CEP85L: variants seen among roughly 807,000 people sequenced by gnomAD.
CEP85L encodes centrosomal protein 85L.
Under a neutral mutation model 100.3 loss-of-function variants are expected in CEP85L, and 60 were observed. That is an observed-to-expected ratio of 0.60 (90% CI 0.49 to 0.74). The LOEUF (loss-of-function observed/expected upper bound fraction) is 0.74. Among genes scored for constraint, CEP85L ranks in the 30% least tolerant of loss-of-function variants. The pLI is 0.00. For synonymous variants in CEP85L, 319 were observed against 322.7 expected (o/e 0.99, Z 0.12); for missense variants, 973 against 936.2 (o/e 1.04, Z -0.51).
intron 7 of CEP85L, among the ~76,000 whole-genome samples, chr6:118,483,198 C>T (rs1773916737): frequency 6.6e-6 from 1 of 151,082 alleles, no homozygotes; most frequent in East Asian, 1.9e-4. Flanking sequence ...GTGGCCCTCA[C>T]CTCAGTTAGG....
At chr6:118,542,364 T>A (rs1294380795) in intron 3 of CEP85L, among the ~76,000 whole-genome samples, 1 of 152,030 alleles carries the variant, frequency 6.6e-6, no homozygotes, top group Non-Finnish European at 1.5e-5. Flanking sequence ...CCTAATAGAG[T>A]GCCTGACAAC....
intron 2 of CEP85L, among the ~76,000 whole-genome samples, chr6:118,611,788 C>T (rs578422): frequency 0.97 from 148,107 of 152,264 alleles, 72,059 homozygotes; most frequent in East Asian, 1. Flanking sequence ...AAAGGGCCGA[C>T]AGACCAAGAA....
chr6:118,660,486 C>A (rs1775935125), intron 1 of CEP85L, among the ~76,000 whole-genome samples: 1 of 152,190 alleles, frequency 6.6e-6, no homozygotes, highest in Admixed American at 6.5e-5. Context: ...TTTTATAGAT[C>A]TCTAGTAACC....
At chr6:118,486,183 TG>T (rs1774168261) in intron 6 of CEP85L, among the ~76,000 whole-genome samples, 1 of 152,312 alleles carries the variant, frequency 6.6e-6, no homozygotes, top group South Asian at 2.1e-4. Flanking sequence ...TTTTGTTTTT[TG>T]GTGTTTCATT....
rs562844214 is a variant in CEP85L at position 118,466,884 on chromosome 6, T to C, written c.2255-1316A>G. ...GTTATGAAAACTTAAATTAAGGCAA[T>C]AGTGCAATGGAGATAGAAGGGCAGG... On this transcript the variant is annotated intron_variant, in intron 12 of 12. Coordinates refer to ENST00000368491, the MANE Select transcript of CEP85L (RefSeq NM_001042475.3). 3.9e-5 allele frequency among the ~76,000 whole-genome samples: 6 copies of C among 152,066 alleles called. No individual in the cohort carries two copies. In the South Asian group the frequency reaches 1.2e-3, roughly 32 times the overall value.
At chr6:118,537,696 G>T in intron 3 of CEP85L, 1 of 985,326 alleles carries the variant, frequency 1.0e-6, no homozygotes, top group Middle Eastern at 5.2e-4. Flanking sequence ...TAGTGCAGCT[G>T]AAAATAGTTC....
chr6:118,615,178 G>A (rs1236178477), intron 2 of CEP85L, among the ~76,000 whole-genome samples: 2 of 152,098 alleles, frequency 1.3e-5, no homozygotes, highest in Non-Finnish European at 2.9e-5. Context: ...TCCCCAATCT[G>A]ATAGCTAAAC....
At chr6:118,517,483 A>C (rs111386101) in intron 4 of CEP85L, among the ~76,000 whole-genome samples, 1 of 152,138 alleles carries the variant, frequency 6.6e-6, no homozygotes, top group African/African-American at 2.4e-5. Context: ...CTATTCCTAG[A>C]TATTTTATTC....
intron 1 of CEP85L, among the ~76,000 whole-genome samples, chr6:118,670,378 T>TTCCACCC (rs1230758033): frequency 6.6e-6 from 1 of 152,072 alleles, no homozygotes; most frequent in Non-Finnish European, 1.5e-5. Flanking sequence ...CTCACCCTTC[T>TTCCACCC]TCCACCCTCC....
rs1401755011 is a variant in CEP85L at position 118,634,199 on chromosome 6, GT to G, written c.74-1589del. Among the ~76,000 whole-genome samples, 5 of 152,260 alleles carry G rather than the reference GT, an allele frequency of 3.3e-5. 1 individual carries two copies. In the South Asian group the frequency reaches 1.0e-3, roughly 32 times the overall value. The stretch of plus-strand genomic sequence containing the variant: ...GGCATGCAAGGAATGCCTTCTGGCA[GT>G]TTAAACATAAGGGTAACAAAACAAC... On this transcript the variant is annotated intron_variant, in intron 1 of 12. Coordinates refer to ENST00000368491, the MANE Select transcript of CEP85L (RefSeq NM_001042475.3).
intron 10 of CEP85L, among the ~76,000 whole-genome samples, chr6:118,475,347 ATTTTTTTTTTT>A (rs34878583): frequency 2.5e-5 from 2 of 79,038 alleles, no homozygotes; most frequent in African/African-American, 1.0e-4. Context: ...TGTAGGTGAC[ATTTTTTTTTTT>A]TTTTTTTTTT....
chr6:118,502,870 T>C lies in CEP85L; in HGVS notation c.1257+8428A>G, dbSNP rs73766526. The C allele has an allele frequency of 9.7e-3, 5,571 of 572,946 alleles. 262 individuals carry two copies. The highest frequency in any genetic ancestry group is 0.093 in the African/African-American group (4,982 of 53,490). The allele number at this position is 572,946 out of a possible 1,614,324, so 35.5% of individuals were successfully genotyped here. A position where few individuals can be genotyped will look rare whatever the true frequency, so the allele number is the denominator to read the frequency against. ...CTTCCCCTGTCATGGAAAACAACTTTGTAGATTTAACAGAAGATCTTGAAG... is the reference window on the plus strand; with the variant it reads ...CTTCCCCTGTCATGGAAAACAACTTCGTAGATTTAACAGAAGATCTTGAAG... On this transcript the variant is annotated intron_variant, in intron 5 of 12. Coordinates refer to ENST00000368491, the MANE Select transcript of CEP85L (RefSeq NM_001042475.3).
chr6:118,669,632 A>G (rs184037944), intron 1 of CEP85L, among the ~76,000 whole-genome samples: 8 of 152,126 alleles, frequency 5.3e-5, no homozygotes, highest in East Asian at 1.9e-4. Context: ...TGAAAAACCA[A>G]TTTCTCCAAG....
intron 1 of CEP85L, among the ~76,000 whole-genome samples, chr6:118,658,616 T>C (rs1775873498): frequency 2.0e-5 from 3 of 152,112 alleles, no homozygotes; most frequent in African/African-American, 7.2e-5. Flanking sequence ...TAAAAATAAA[T>C]AAACTTTTAA....
intron 3 of CEP85L, 78 bp from the exon 4 acceptor site, chr6:118,523,998 G>T: frequency 1.8e-6 from 1 of 555,638 alleles, no homozygotes; most frequent in Non-Finnish European, 2.9e-6. Flanking sequence ...TTTTCCCAAA[G>T]ATTTATATTA....
chr6:118,595,657 A>G (rs1202002151), intron 2 of CEP85L, among the ~76,000 whole-genome samples: 2 of 152,232 alleles, frequency 1.3e-5, no homozygotes, highest in Non-Finnish European at 2.9e-5. Flanking sequence ...AGTGTCGTAC[A>G]TATAATGCAT....
chr6:118,619,877 ATC>A (rs1278071997), intron 2 of CEP85L, among the ~76,000 whole-genome samples: 1 of 152,202 alleles, frequency 6.6e-6, no homozygotes, highest in Non-Finnish European at 1.5e-5. Flanking sequence ...GATTTATGGT[ATC>A]TCAGCCAGGT....
intron 2 of CEP85L, among the ~76,000 whole-genome samples, chr6:118,587,120 C>T (rs908141959): frequency 1.3e-5 from 2 of 152,168 alleles, no homozygotes; most frequent in African/African-American, 4.8e-5. Flanking sequence ...AAGTGGTTCG[C>T]TCAGTTCAGT....
At chr6:118,698,801 C>CA (rs1777299449) in intron 1 of CEP85L, among the ~76,000 whole-genome samples, 1 of 151,250 alleles carries the variant, frequency 6.6e-6, no homozygotes, top group African/African-American at 2.5e-5. Context: ...GAATGTAGTG[C>CA]AAAAAAATTA....
Sources: gnomAD v4.1 joint callset for allele counts (sites outside exome capture counted in the v4.1 genomes callset) on GRCh38, gnomAD v4.1.1 for gene constraint, MANE v1.5 for transcripts, NCBI Gene and HGNC (gene_info 2026-07-23, HGNC 2026-07-21) for gene names.